ALDH1A2: variants seen among roughly 807,000 people sequenced by gnomAD.
ALDH1A2 encodes retinal dehydrogenase 2.
In ALDH1A2, 27 loss-of-function variants were observed where a neutral mutation model predicts 60.3. The ratio of observed to expected loss-of-function variants is 0.45; its 90% CI spans 0.33 to 0.62. The LOEUF (loss-of-function observed/expected upper bound fraction) is 0.62, where lower values mean the gene tolerates loss of function less well. Ranked by LOEUF, ALDH1A2 falls within the 20% of genes least tolerant of loss-of-function variation. The probability of loss-of-function intolerance (pLI) is 0.02; values close to 1 mark genes in which losing one functional copy is unlikely to be tolerated. For synonymous variants in ALDH1A2, 289 were observed against 232.4 expected (o/e 1.24, Z -2.21); for missense variants, 581 against 643.8 (o/e 0.90, Z 1.06).
chr15:58,043,456 G>A (rs1444974525), intron 1 of ALDH1A2, among the ~76,000 whole-genome samples: 1 of 151,950 alleles, frequency 6.6e-6, no homozygotes, highest in African/African-American at 2.4e-5. Flanking sequence ...GATAACATAG[G>A]TTTGATTTGT....
At chr15:57,956,804 G>A (rs1364114473) in intron 12 of ALDH1A2, among the ~76,000 whole-genome samples, 1 of 152,078 alleles carries the variant, frequency 6.6e-6, no homozygotes, top group African/African-American at 2.4e-5. Context: ...TTTGTTTCCT[G>A]GCTTCTGCAC....
chr15:58,065,311 C>T, intron 1 of ALDH1A2: 1 of 577,602 alleles, frequency 1.7e-6, no homozygotes, highest in South Asian at 1.9e-5. Flanking sequence ...CAACGCTGCG[C>T]TTCGGGTTGG....
chr15:57,966,314 C>G (rs1001269961), intron 7 of ALDH1A2, among the ~76,000 whole-genome samples: 1 of 152,222 alleles, frequency 6.6e-6, no homozygotes, highest in South Asian at 2.1e-4. Flanking sequence ...ACCTTTGCCT[C>G]TGCCTAGAGC....
intron 1 of ALDH1A2, among the ~76,000 whole-genome samples, chr15:58,056,674 T>G (rs1433925234): frequency 6.6e-6 from 1 of 152,074 alleles, no homozygotes; most frequent in East Asian, 1.9e-4. Flanking sequence ...ATTATAATCC[T>G]GAATACATTT....
chr15:57,963,054 C>G (rs1400482914), intron 9 of ALDH1A2, among the ~76,000 whole-genome samples: 2 of 152,298 alleles, frequency 1.3e-5, no homozygotes, highest in Non-Finnish European at 2.9e-5. Context: ...AATAACCATA[C>G]AGCAAAAGGG....
intron 1 of ALDH1A2, among the ~76,000 whole-genome samples, chr15:58,064,503 G>T (rs964429174): frequency 4.6e-5 from 7 of 152,124 alleles, no homozygotes; most frequent in Non-Finnish European, 1.5e-5. Flanking sequence ...TTGTAAAAAA[G>T]CACGATGGAA....
At chr15:57,987,848 A>C (rs1371495242) in intron 7 of ALDH1A2, among the ~76,000 whole-genome samples, 1 of 148,068 alleles carries the variant, frequency 6.8e-6, no homozygotes, top group Non-Finnish European at 1.5e-5. Flanking sequence ...CAACTACTGC[A>C]CTCCAGCCTG....
At chr15:58,064,716 G>C (rs899213447) in intron 1 of ALDH1A2, among the ~76,000 whole-genome samples, 2 of 151,924 alleles carry the variant, frequency 1.3e-5, no homozygotes, top group African/African-American at 4.8e-5. Context: ...ATACCCCTAC[G>C]TTTGTAATCG....
intron 7 of ALDH1A2, chr15:57,990,186 A>G (rs1894846546): frequency 6.6e-6 from 1 of 152,234 alleles, no homozygotes; most frequent in Non-Finnish European, 1.5e-5. Flanking sequence ...CTAACCTCTT[A>G]TAAATGAAAC....
chr15:58,012,587 C>G (rs1165948449), intron 3 of ALDH1A2, among the ~76,000 whole-genome samples: 1 of 152,108 alleles, frequency 6.6e-6, no homozygotes, highest in African/African-American at 2.4e-5. Flanking sequence ...CATGAAACAC[C>G]TTTTTCACAG....
At chr15:58,055,095 T>C (rs942557915) in intron 1 of ALDH1A2, among the ~76,000 whole-genome samples, 79 of 152,086 alleles carry the variant, frequency 5.2e-4, no homozygotes, top group African/African-American at 1.7e-3. Context: ...GTCCAAATTG[T>C]ATTGTCTTTG....
intron 1 of ALDH1A2, among the ~76,000 whole-genome samples, chr15:58,053,661 C>T (rs138338119): frequency 6.6e-6 from 1 of 152,126 alleles, no homozygotes; most frequent in East Asian, 1.9e-4. Flanking sequence ...TTTTCTACGC[C>T]CTCTCTTTTT....
chr15:57,960,017 TTGAAAGGC>T (rs1893668742), intron 12 of ALDH1A2, among the ~76,000 whole-genome samples: 1 of 152,182 alleles, frequency 6.6e-6, no homozygotes, highest in African/African-American at 2.4e-5. Context: ...ATTCCTCTTC[TTGAAAGGC>T]TGACACAAAT....
At chr15:58,028,582 C>A (rs12914590) in intron 1 of ALDH1A2, among the ~76,000 whole-genome samples, 63,122 of 152,012 alleles carry the variant, frequency 0.42, 14,660 homozygotes, top group Non-Finnish European at 0.54. Context: ...GGGCTAAATG[C>A]CCTAATTAAA....
chr15:57,955,581 C>T (rs1334814264), intron 12 of ALDH1A2, among the ~76,000 whole-genome samples: 1 of 152,224 alleles, frequency 6.6e-6, no homozygotes, highest in African/African-American at 2.4e-5. Flanking sequence ...CAGAGAACTA[C>T]CATCAGCCTT....
chr15:58,059,219 A>T (rs1326187260), intron 1 of ALDH1A2, among the ~76,000 whole-genome samples: 1 of 152,252 alleles, frequency 6.6e-6, no homozygotes, highest in Non-Finnish European at 1.5e-5. Flanking sequence ...ATTAAAAATT[A>T]ACCCAGGTGA....
intron 1 of ALDH1A2, chr15:58,058,080 G>A: frequency 3.9e-6 from 6 of 1,533,886 alleles, no homozygotes; most frequent in South Asian, 1.2e-5. Flanking sequence ...TCCCAAAAAG[G>A]ATTCTGCCAG....
chr15:57,990,691 A>C (rs1244190548), intron 7 of ALDH1A2: 1 of 152,250 alleles, frequency 6.6e-6, no homozygotes, highest in African/African-American at 2.4e-5. Flanking sequence ...CTTGGCCAAC[A>C]TGGCAAAACC....
At chr15:58,050,150 T>G (rs892799190) in intron 1 of ALDH1A2, among the ~76,000 whole-genome samples, 2 of 152,016 alleles carry the variant, frequency 1.3e-5, no homozygotes, top group African/African-American at 4.8e-5. Context: ...AAGCTGTTTT[T>G]ACAATGGGCT....
Sources: allele counts gnomAD v4.1 joint callset (sites outside exome capture counted in the v4.1 genomes callset), GRCh38; gene constraint gnomAD v4.1.1; transcripts MANE v1.5; gene names NCBI Gene and HGNC (gene_info 2026-07-23, HGNC 2026-07-21).